The following MADCAM1 variants were observed in gnomAD, a reference collection of about 807,000 sequenced individuals.
MADCAM1 encodes mucosal addressin cell adhesion molecule 1.
A neutral mutation model predicts 26.1 loss-of-function variants in MADCAM1; 19 were observed. The observed-to-expected ratio is 0.73, with a 90% CI of 0.51 to 1.07. The LOEUF is 1.07. Ranked by LOEUF, MADCAM1 falls within the 50% of genes least tolerant of loss-of-function variation. The pLI, the probability that MADCAM1 is intolerant of heterozygous loss-of-function variation, is 0.00. For synonymous variants in MADCAM1, 268 were observed against 260.9 expected, an observed-to-expected ratio of 1.03 and a Z score of -0.26; for missense variants, 514 against 542.1, an observed-to-expected ratio of 0.95 and a Z score of 0.51.
At chr19:499,924 T>C (rs117528364) in intron 3 of MADCAM1, 12,903 of 447,610 alleles carry the variant, frequency 0.029, 627 homozygotes, top group South Asian at 0.11. Flanking sequence ...GGACGTGAGG[T>C]CGTGAGTTTC....
Position 501,811 on chromosome 19 carries a change from G to A in MADCAM1, c.810G>A (p.Pro270=), listed in dbSNP as rs748389843. 158 of 1,561,162 alleles carry A rather than the reference G, an allele frequency of 1.0e-4. No individual in the cohort carries two copies. The highest frequency in any genetic ancestry group is 1.2e-4 in the Non-Finnish European group (139 of 1,153,446). Reference sequence around the variant, plus strand: ...CGGAGCCTCCCGACAAGACCTCCCCGGAGCCCGCCCCCCAGCAGGGCTCCA... The same window carrying A: ...CGGAGCCTCCCGACAAGACCTCCCCAGAGCCCGCCCCCCAGCAGGGCTCCA... ...TSPEPPDKTS[P]EPAPQQGSTH... The change falls in exon 4 of 5, where the codon CCG becomes CCA. Residue 270 remains proline (P), a synonymous_variant. Coordinates refer to ENST00000215637, the MANE Select transcript of MADCAM1 (RefSeq NM_130760.3).
intron 4 of MADCAM1, 66 bp downstream of exon 4, chr19:501,995 A>C: frequency 2.2e-6 from 3 of 1,393,172 alleles, no homozygotes; most frequent in Non-Finnish European, 2.8e-6. Flanking sequence ...CCTTGGATGA[A>C]GACTTTAGAC....
At position 500,724 on chromosome 19, in the gene MADCAM1, G is replaced by C. The variant is rs1468926662; in HGVS notation, c.668-945G>C. On this transcript the variant is annotated intron_variant, in intron 3 of 4. Transcript: ENST00000215637. ...TCCCCTACTAAAAATACAAATATTA[G>C]CCTGGCGTGGTGGTGAGCGCCTGTA... 3.9e-5 allele frequency among the ~76,000 whole-genome samples: 6 copies of C among 152,218 alleles called. No individual in the cohort carries two copies. In the South Asian group the frequency reaches 1.2e-3, roughly 32 times the overall value.
intron 3 of MADCAM1, among the ~76,000 whole-genome samples, chr19:500,492 G>A (rs2145820132): frequency 6.6e-6 from 1 of 152,258 alleles, no homozygotes; most frequent in East Asian, 1.9e-4. Flanking sequence ...CACTTTGGGA[G>A]GCTGAGGTGG....
At chr19:497,207 G>A (rs1459757575) in intron 1 of MADCAM1, among the ~76,000 whole-genome samples, 2 of 43,694 alleles carry the variant, frequency 4.6e-5, no homozygotes, top group Non-Finnish European at 9.1e-5. Flanking sequence ...AGGGGGCGCA[G>A]TAAAGTGAAG....
chr19:504,705 T>C (rs774273915), intron 4 of MADCAM1, 40 bp from the exon 5 acceptor site: 2 of 1,478,636 alleles, frequency 1.4e-6, no homozygotes, highest in East Asian at 2.3e-5. Context: ...TGCAGAGGCC[T>C]GGAGGGCTCT....
intron 3 of MADCAM1, 150 bp downstream of exon 3, chr19:498,975 C>A: frequency 8.4e-7 from 1 of 1,195,476 alleles, no homozygotes; most frequent in Non-Finnish European, 1.2e-6. Flanking sequence ...CATTCATCGA[C>A]GCAACATGTA....
Position 498,784 on chromosome 19 carries a change from G to A in MADCAM1, c.626G>A (p.Arg209Lys), listed in dbSNP as rs1217344910. 3.3e-6 allele frequency: 5 copies of A among 1,505,104 alleles called. No homozygotes were observed. Among genetic ancestry groups the A allele is most frequent in the South Asian group, 2.5e-5 (2 of 79,844 alleles). 93.2% of individuals were successfully genotyped at this position (1,505,104 alleles called of 1,614,324 possible). A position where few individuals can be genotyped will look rare whatever the true frequency, so the allele number is the denominator to read the frequency against. Residue 209 changes from arginine (R) to lysine (K), a missense_variant, in exon 3 of 5, where the codon AGG becomes AAG. Transcript: ENST00000215637. ...GCCCTCTACTGCCAGGCCACGATGA[G>A]GCTGCCTGGCTTGGAGCTCAGCCAC... Reference protein sequence around the residue: ...PPALYCQATMRLPGLELSHRQ... With the variant: ...PPALYCQATMKLPGLELSHRQ...
In MADCAM1 at chr19:498,596, G is replaced by A. The variant is rs780492786; in HGVS notation, c.438G>A (p.Ala146=). 10 of 1,481,866 alleles carry A rather than the reference G, an allele frequency of 6.7e-6. No individual in the cohort carries two copies. The Admixed American group carries it at 1.5e-4, about 23-fold the overall frequency. 91.8% of individuals were successfully genotyped at this position (1,481,866 alleles called of 1,614,324 possible). The change falls in exon 3 of 5, where the codon GCG becomes GCA. Residue 146 remains alanine (A), a synonymous_variant. Transcript: ENST00000215637. The part of the protein sequence containing the change: ...AHKVTPVDPN[A]LSFSLLVGGQ... Reference sequence around the variant, plus strand: ...AAGTCACGCCCGTGGACCCCAACGCGCTCTCCTTCTCCCTGCTCGTCGGGG... The same window carrying A: ...AAGTCACGCCCGTGGACCCCAACGCACTCTCCTTCTCCCTGCTCGTCGGGG...
At chr19:503,364 G>T (rs3999753) in intron 4 of MADCAM1, among the ~76,000 whole-genome samples, 1 of 148,702 alleles carries the variant, frequency 6.7e-6, no homozygotes, top group Non-Finnish European at 1.5e-5. Context: ...GGCGGATCAC[G>T]AGGTCAGGAG....
intron 3 of MADCAM1, chr19:500,163 C>G: frequency 2.2e-6 from 1 of 456,358 alleles, no homozygotes; most frequent in Non-Finnish European, 4.4e-6. Flanking sequence ...CCTCCCAACT[C>G]TCCTCGTCCA....
intron 4 of MADCAM1, among the ~76,000 whole-genome samples, chr19:503,418 A>G (rs565233134): frequency 6.6e-6 from 1 of 151,302 alleles, no homozygotes; most frequent in East Asian, 2.0e-4. Context: ...CGTCTCCACT[A>G]AAAATACAAA....
At chr19:501,510 AAAAAAAAGAAT>A in intron 3 of MADCAM1, 148 bp from the exon 4 acceptor site, 1 of 364,216 alleles carries the variant, frequency 2.7e-6, no homozygotes, top group African/African-American at 2.2e-5. Context: ...AAAAAAAAAA[AAAAAAAAGAAT>A]AAATGGAAAT....
intron 3 of MADCAM1, 63 bp downstream of exon 3, chr19:498,888 G>C: frequency 6.8e-7 from 1 of 1,461,110 alleles, no homozygotes; most frequent in Non-Finnish European, 9.1e-7. Flanking sequence ...ACTTCGGGAC[G>C]GGGTGGGGGG....
chr19:504,858 C>G lies in MADCAM1; in HGVS notation c.1042C>G (p.Leu348Val). The stretch of plus-strand genomic sequence containing the variant: ...TCACCTCTGGAAACGCTGCCGGCAC[C>G]TGGCTGAGGACGACACCCACCCACC... The part of the protein sequence containing the change: ...TYHLWKRCRH[L>V]AEDDTHPPAS... Residue 348 changes from leucine to valine, a missense_variant, in exon 5 of 5, where the codon CTG (leucine) becomes GTG (valine). Around this residue, in one of 3 missense-constraint regions of MADCAM1, gnomAD observed 152 missense variants for 136.7 expected, o/e 1.11. Transcript: ENST00000215637. 1 of 1,612,978 alleles carries G rather than the reference C, an allele frequency of 6.2e-7. No individual in the cohort carries two copies. Among genetic ancestry groups the G allele is most frequent in the Non-Finnish European group, 8.5e-7 (1 of 1,179,958 alleles).
chr19:501,479 C>T, intron 3 of MADCAM1, 190 bp from the exon 4 acceptor site: 1 of 375,956 alleles, frequency 2.7e-6, no homozygotes, highest in East Asian at 4.9e-5. Flanking sequence ...GAGCAAAACT[C>T]TGTCTCAAAA....
intron 2 of MADCAM1, 54 bp downstream of exon 2, chr19:498,171 C>T (rs1033543722): frequency 7.0e-6 from 9 of 1,292,060 alleles, no homozygotes; most frequent in Non-Finnish European, 7.9e-6. Context: ...CCGGCTCCTT[C>T]CCTATGCCAC....
Position 497,944 on chromosome 19 carries a change from G to T in MADCAM1, c.164G>T (p.Gly55Val). The T allele has an allele frequency of 4.2e-6, 6 of 1,432,418 alleles. No homozygotes were observed. Among genetic ancestry groups the T allele is most frequent in the Non-Finnish European group, 4.5e-6 (5 of 1,099,414 alleles). 88.7% of individuals were successfully genotyped at this position (1,432,418 alleles called of 1,614,324 possible). Reference sequence around the variant, plus strand: ...TGCCGCCTGGCCTGCGCGGACCGCGGGGCCTCGGTGCAGTGGCGGGGCCTG... The same window carrying T: ...TGCCGCCTGGCCTGCGCGGACCGCGTGGCCTCGGTGCAGTGGCGGGGCCTG... ...LTCRLACADR[G>V]ASVQWRGLDT... is the part of the protein sequence containing the mutation. The change falls in exon 2 of 5, where the codon GGG becomes GTG. Residue 55 changes from glycine to valine, a missense_variant. By Grantham distance (109) the Gly-to-Val change is moderately radical (BLOSUM62 -3). Coordinates refer to ENST00000215637, the MANE Select transcript of MADCAM1 (RefSeq NM_130760.3).
intron 4 of MADCAM1, among the ~76,000 whole-genome samples, chr19:503,441 C>T (rs1343485214): frequency 2.7e-5 from 4 of 149,062 alleles, no homozygotes; most frequent in Non-Finnish European, 4.4e-5. Flanking sequence ...ATTAGCCGGG[C>T]GTGGCAGCGG....
Sources: allele counts gnomAD v4.1 joint callset (sites outside exome capture counted in the v4.1 genomes callset), GRCh38; gene constraint gnomAD v4.1.1; regional missense constraint gnomAD v4.1.1; transcripts MANE v1.5; gene names NCBI Gene and HGNC (gene_info 2026-07-23, HGNC 2026-07-21).